CLVS1: variants seen among roughly 807,000 people sequenced by gnomAD.
The protein encoded by CLVS1 is clavesin-1.
CLVS1 carries 10 observed loss-of-function variants against 33.1 expected under a neutral mutation model. That is an observed-to-expected ratio of 0.30 (90% CI 0.19 to 0.51). CLVS1 has a LOEUF of 0.51. CLVS1 is among the 20% of genes least tolerant of loss of function. The probability of loss-of-function intolerance (pLI) is 0.97; values close to 1 mark genes in which losing one functional copy is unlikely to be tolerated. For synonymous variants in CLVS1, 163 were observed against 166.1 expected, an observed-to-expected ratio of 0.98 and a Z score of 0.14; for missense variants, 343 against 433.4, an observed-to-expected ratio of 0.79 and a Z score of 1.85.
At chr8:61,033,057 AAGATAG>A in the CLVS1 span, among the ~76,000 whole-genome samples, 81 of 60,250 alleles carry the variant, frequency 1.3e-3, 9 homozygotes, top group Middle Eastern at 9.4e-3. Flanking sequence ...AAAAGAAAGA[AAGATAG>A]AAAGAAAGAA....
intron 2 of CLVS1, among the ~76,000 whole-genome samples, chr8:61,153,018 A>G (rs1159260615): frequency 6.6e-6 from 1 of 152,154 alleles, no homozygotes; most frequent in Non-Finnish European, 1.5e-5. Flanking sequence ...CACACAAAAA[A>G]TTAGCTGGGC....
chr8:61,004,376 G>A, the CLVS1 span, among the ~76,000 whole-genome samples: 1 of 152,338 alleles, frequency 6.6e-6, no homozygotes, highest in East Asian at 1.9e-4. Context: ...TCAAAGGAAT[G>A]CAGGCAGCCA....
the CLVS1 span, among the ~76,000 whole-genome samples, chr8:61,018,555 C>T: frequency 6.6e-6 from 1 of 152,182 alleles, no homozygotes; most frequent in African/African-American, 2.4e-5. Flanking sequence ...GAAATCATGC[C>T]ACTTACCTCA....
intron 5 of CLVS1, among the ~76,000 whole-genome samples, chr8:61,497,201 A>G (rs1225589334): frequency 1.3e-5 from 2 of 152,164 alleles, no homozygotes; most frequent in African/African-American, 4.8e-5. Context: ...CCCACAGGAC[A>G]CAGAAAAGTT....
chr8:61,453,896 C>T (rs1817054515), intron 3 of CLVS1, among the ~76,000 whole-genome samples: 1 of 152,154 alleles, frequency 6.6e-6, no homozygotes, highest in Non-Finnish European at 1.5e-5. Context: ...TTGAAAAAGA[C>T]AGGCCTGGAA....
At chr8:61,023,268 A>G in the CLVS1 span, among the ~76,000 whole-genome samples, 5 of 152,172 alleles carry the variant, frequency 3.3e-5, no homozygotes, top group Non-Finnish European at 7.3e-5. Flanking sequence ...GAAAGAGGGG[A>G]CATTTTGTAG....
chr8:61,423,254 C>A (rs1815753298), intron 3 of CLVS1, among the ~76,000 whole-genome samples: 1 of 152,130 alleles, frequency 6.6e-6, no homozygotes. Flanking sequence ...CTCATGTAAT[C>A]CTGATATTCA....
At chr8:61,031,999 G>A in the CLVS1 span, among the ~76,000 whole-genome samples, 1 of 152,230 alleles carries the variant, frequency 6.6e-6, no homozygotes, top group African/African-American at 2.4e-5. Flanking sequence ...TATAATGGTA[G>A]CAGTTTTGGT....
intron 1 of CLVS1, among the ~76,000 whole-genome samples, chr8:61,091,232 G>C (rs758994206): frequency 6.6e-6 from 1 of 152,192 alleles, no homozygotes; most frequent in Non-Finnish European, 1.5e-5. Context: ...GCCAAGGCAT[G>C]TCAGCAGCCT....
At chr8:61,077,441 G>GTATTAT (rs57149995) in intron 1 of CLVS1, among the ~76,000 whole-genome samples, 306 of 138,322 alleles carry the variant, frequency 2.2e-3, no homozygotes, top group Admixed American at 3.9e-3. Context: ...CCCTCTAAAA[G>GTATTAT]TATTATTATT....
At chr8:61,334,940 T>C (rs1378903627) in intron 2 of CLVS1, among the ~76,000 whole-genome samples, 4 of 152,058 alleles carry the variant, frequency 2.6e-5, no homozygotes, top group Admixed American at 6.6e-5. Flanking sequence ...CTCTGAGCAT[T>C]TGGGAGGGGA....
At chr8:61,316,105 C>T (rs1263710302) in intron 2 of CLVS1, among the ~76,000 whole-genome samples, 3 of 152,102 alleles carry the variant, frequency 2.0e-5, no homozygotes, top group Non-Finnish European at 2.9e-5. Context: ...ATATGTGTCA[C>T]GTTTTCTTTA....
chr8:61,292,585 C>G (rs1362349843), intron 1 of CLVS1: 1 of 329,330 alleles, frequency 3.0e-6, no homozygotes, highest in Admixed American at 3.8e-5. Flanking sequence ...TTTCCTTTCT[C>G]TTCCCATTGA....
At chr8:61,356,110 C>A (rs1256606752) in intron 2 of CLVS1, among the ~76,000 whole-genome samples, 1 of 151,942 alleles carries the variant, frequency 6.6e-6, no homozygotes, top group Non-Finnish European at 1.5e-5. Context: ...GCCATTCTAA[C>A]TGGTGTGAGA....
At chr8:61,374,859 C>A (rs181183025) in intron 2 of CLVS1, among the ~76,000 whole-genome samples, 28 of 152,146 alleles carry the variant, frequency 1.8e-4, no homozygotes, top group African/African-American at 6.5e-4. Flanking sequence ...ACTACCCCCA[C>A]TGGGTGGATT....
chr8:61,385,547 A>G (rs1814047546), intron 3 of CLVS1, among the ~76,000 whole-genome samples: 1 of 152,202 alleles, frequency 6.6e-6, no homozygotes. Flanking sequence ...TTGCAAAAGA[A>G]TTAGTGAAAA....
intron 2 of CLVS1, among the ~76,000 whole-genome samples, chr8:61,142,571 G>T (rs965356950): frequency 1.3e-5 from 2 of 152,242 alleles, no homozygotes. Flanking sequence ...CACAGATAAA[G>T]CATATCAAGT....
At chr8:61,055,852 G>A (rs1289523852), upstream of CLVS1, among the ~76,000 whole-genome samples, 1 of 152,228 alleles carries the variant, frequency 6.6e-6, no homozygotes, top group Non-Finnish European at 1.5e-5. Flanking sequence ...ACTCTCCAAG[G>A]CCAGTCATTC....
At chr8:61,077,317 C>A (rs1374924105) in intron 1 of CLVS1, among the ~76,000 whole-genome samples, 2 of 151,928 alleles carry the variant, frequency 1.3e-5, no homozygotes, top group African/African-American at 4.8e-5. Context: ...GTGATCCACC[C>A]GCCTCGGCCT....
Sources: gnomAD v4.1 joint callset for allele counts (sites outside exome capture counted in the v4.1 genomes callset) on GRCh38, gnomAD v4.1.1 for gene constraint, MANE v1.5 for transcripts, NCBI Gene and HGNC (gene_info 2026-07-23, HGNC 2026-07-21) for gene names.